The following KHDRBS2 variants were observed in gnomAD, a reference collection of about 807,000 sequenced individuals.
KHDRBS2 encodes the protein KH domain-containing, RNA-binding, signal transduction-associated protein 2.
A neutral mutation model predicts 44.3 loss-of-function variants in KHDRBS2; 26 were observed. The observed-to-expected ratio is 0.59, with a 90% CI of 0.43 to 0.81. The LOEUF (loss-of-function observed/expected upper bound fraction) is 0.81, where lower values mean the gene tolerates loss of function less well. Among genes scored for constraint, KHDRBS2 ranks in the 40% least tolerant of loss-of-function variants. KHDRBS2 has a pLI of 0.00. For missense variants in KHDRBS2, 476 were observed against 433.1 expected, an observed-to-expected ratio of 1.10 and a Z score of -0.88; for synonymous variants, 194 against 151.1, an observed-to-expected ratio of 1.28 and a Z score of -2.08.
intron 1 of KHDRBS2, among the ~76,000 whole-genome samples, chr6:62,235,553 T>C (rs1288062073): frequency 6.6e-6 from 1 of 152,078 alleles, no homozygotes; most frequent in African/African-American, 2.4e-5. Context: ...ACATTTATCT[T>C]GTGCTTTCTC....
At chr6:61,921,601 C>T (rs1301301813) in intron 4 of KHDRBS2, among the ~76,000 whole-genome samples, 1 of 151,938 alleles carries the variant, frequency 6.6e-6, no homozygotes, top group Non-Finnish European at 1.5e-5. Flanking sequence ...TGACACATCT[C>T]CAACACACTC....
At chr6:61,873,432 T>G (rs1798947505) in intron 6 of KHDRBS2, among the ~76,000 whole-genome samples, 2 of 151,960 alleles carry the variant, frequency 1.3e-5, no homozygotes, top group South Asian at 4.1e-4. Context: ...AAATGTTAAT[T>G]AAAACAATAA....
the KHDRBS2 span, among the ~76,000 whole-genome samples, chr6:61,611,341 A>C: frequency 1.3e-5 from 2 of 152,238 alleles, no homozygotes; most frequent in Admixed American, 1.3e-4. Context: ...CCTTATGAAA[A>C]GCATCATAGT....
intron 4 of KHDRBS2, among the ~76,000 whole-genome samples, chr6:61,943,746 A>G (rs1812622638): frequency 6.6e-6 from 1 of 152,186 alleles, no homozygotes; most frequent in Non-Finnish European, 1.5e-5. Flanking sequence ...TTTGCAAACT[A>G]TGCATCCAAT....
chr6:62,105,039 A>G (rs1292599471), intron 2 of KHDRBS2, among the ~76,000 whole-genome samples: 1 of 152,166 alleles, frequency 6.6e-6, no homozygotes, highest in African/African-American at 2.4e-5. Context: ...GAAAACAGAA[A>G]ACGTGGACAA....
chr6:61,932,522 C>A (rs905672599), intron 4 of KHDRBS2, among the ~76,000 whole-genome samples: 1 of 152,150 alleles, frequency 6.6e-6, no homozygotes, highest in South Asian at 2.1e-4. Flanking sequence ...TCATACAGGC[C>A]GGGCACGGTG....
chr6:62,111,004 T>C (rs560694364), intron 2 of KHDRBS2, among the ~76,000 whole-genome samples: 4 of 152,246 alleles, frequency 2.6e-5, no homozygotes, highest in African/African-American at 9.6e-5. Flanking sequence ...CTCCATTAAA[T>C]ATATAAAGTA....
rs139806902 is a variant in KHDRBS2, at chr6:61,891,640, C to A, written c.810+2995G>T. On this transcript the variant is annotated intron_variant, in intron 6 of 8. Coordinates refer to ENST00000281156, the MANE Select transcript of KHDRBS2 (RefSeq NM_152688.4). The stretch of plus-strand genomic sequence containing the variant: ...TAACCCAGCATATAAACAGAACCAA[C>A]GACAAAAACCACATGATTATCTCAA... Among the ~76,000 whole-genome samples, 265 of 152,096 alleles carry A rather than the reference C, an allele frequency of 1.7e-3. 2 individuals are homozygous for A. Among genetic ancestry groups the A allele is most frequent in the African/African-American group, 5.7e-3 (235 of 41,508 alleles).
chr6:61,591,538 G>GT, the KHDRBS2 span, among the ~76,000 whole-genome samples: 1 of 152,100 alleles, frequency 6.6e-6, no homozygotes, highest in African/African-American at 2.4e-5. Flanking sequence ...CTGGTGAGCT[G>GT]TATCTCGTGC....
intron 5 of KHDRBS2, among the ~76,000 whole-genome samples, chr6:61,899,743 C>CCCA (rs1554263629): frequency 7.1e-6 from 1 of 140,042 alleles, no homozygotes; most frequent in African/African-American, 2.6e-5. Context: ...GCCCCCCCCC[C>CCCA]GCATTTTAAG....
At chr6:61,892,330 G>C (rs1337268296) in intron 6 of KHDRBS2, among the ~76,000 whole-genome samples, 2 of 151,146 alleles carry the variant, frequency 1.3e-5, no homozygotes, top group Non-Finnish European at 3.0e-5. Flanking sequence ...TACTGTCCAA[G>C]GTAATTTATA....
At chr6:61,634,964 C>T in the KHDRBS2 span, among the ~76,000 whole-genome samples, 1 of 151,952 alleles carries the variant, frequency 6.6e-6, no homozygotes, top group Non-Finnish European at 1.5e-5. Context: ...AAAAAAGAAG[C>T]TTTCTTGTAA....
the KHDRBS2 span, among the ~76,000 whole-genome samples, chr6:61,581,028 C>T: frequency 1.3e-5 from 2 of 152,122 alleles, no homozygotes; most frequent in Non-Finnish European, 2.9e-5. Flanking sequence ...TTTAAATCTA[C>T]GTTATCAGGT....
chr6:62,014,396 G>C lies in KHDRBS2; in HGVS notation c.336+33482C>G, dbSNP rs147030704. ...TTTAAAACCCAATCTTTTGATTGAG[G>C]ATTTAGTTTATCAAAGGACTCCCAC... On this transcript the variant is annotated intron_variant, in intron 3 of 8. Transcript: ENST00000281156. Among the ~76,000 whole-genome samples the C allele has an allele frequency of 1.9e-3, 295 of 152,178 alleles. 3 individuals carry two copies. Among genetic ancestry groups the C allele is most frequent in the Admixed American group, 0.016 (247 of 15,264 alleles).
intron 6 of KHDRBS2, among the ~76,000 whole-genome samples, chr6:61,820,199 C>A (rs1310913034): frequency 6.6e-6 from 1 of 151,946 alleles, no homozygotes; most frequent in Non-Finnish European, 1.5e-5. Flanking sequence ...TTCAAATTAC[C>A]ATGGGATGAC....
chr6:61,833,058 T>C (rs934350004), intron 6 of KHDRBS2, among the ~76,000 whole-genome samples: 1 of 152,200 alleles, frequency 6.6e-6, no homozygotes, highest in African/African-American at 2.4e-5. Flanking sequence ...AGTCATAATT[T>C]AGCAATTTAG....
intron 2 of KHDRBS2, among the ~76,000 whole-genome samples, chr6:62,111,381 T>C (rs1198658966): frequency 6.6e-6 from 1 of 152,058 alleles, no homozygotes; most frequent in Non-Finnish European, 1.5e-5. Context: ...TCAACAAGTA[T>C]TTTTGAATAC....
intron 4 of KHDRBS2, among the ~76,000 whole-genome samples, chr6:61,921,597 A>G (rs1247287156): frequency 3.9e-5 from 6 of 152,008 alleles, no homozygotes; most frequent in Admixed American, 1.3e-4. Flanking sequence ...TTTATGACAC[A>G]TCTCCAACAC....
At chr6:61,968,956 A>G (rs912895778) in intron 4 of KHDRBS2, among the ~76,000 whole-genome samples, 6 of 152,216 alleles carry the variant, frequency 3.9e-5, no homozygotes, top group African/African-American at 1.4e-4. Context: ...AAAGAAAAAA[A>G]TAATGAATTT....
Sources: gnomAD v4.1 joint callset for allele counts (sites outside exome capture counted in the v4.1 genomes callset) on GRCh38, gnomAD v4.1.1 for gene constraint, MANE v1.5 for transcripts, NCBI Gene and HGNC (gene_info 2026-07-23, HGNC 2026-07-21) for gene names.